RBM23: variants seen among roughly 807,000 people sequenced by gnomAD.
RBM23 encodes the protein probable RNA-binding protein 23.
Under a neutral mutation model 56.2 loss-of-function variants are expected in RBM23, and 53 were observed. The observed-to-expected ratio is 0.94, with a 90% CI of 0.76 to 1.19. The LOEUF is 1.19. RBM23 is among the 50% of genes most tolerant of loss of function. The pLI is 0.00. For missense variants in RBM23, 642 were observed against 590.3 expected, an observed-to-expected ratio of 1.09 and a Z score of -0.91; for synonymous variants, 197 against 198.5, an observed-to-expected ratio of 0.99 and a Z score of 0.06.
At position 22,901,006 on chromosome 14, in the gene RBM23, G is replaced by C. The variant is rs115183943; in HGVS notation, c.*724C>G. 2.0e-5 allele frequency: 3 copies of C among 152,188 alleles called. No individual in the cohort carries two copies. The highest frequency in any genetic ancestry group is 2.9e-5 in the Non-Finnish European group (2 of 68,056). 9.4% of individuals were successfully genotyped at this position (152,188 alleles called of 1,614,324 possible). A position where few individuals can be genotyped will look rare whatever the true frequency, so the allele number is the denominator to read the frequency against. On this transcript the variant is annotated 3_prime_UTR_variant, in exon 14 of 14. Coordinates refer to ENST00000359890, the MANE Select transcript of RBM23 (RefSeq NM_001077351.2). ...GAGGAAGGACAAGTATACAAAGGAAGATGGAAGATACTGGAAAGGCATACT... is the reference window on the plus strand; with the variant it reads ...GAGGAAGGACAAGTATACAAAGGAACATGGAAGATACTGGAAAGGCATACT...
intron 1 of RBM23, among the ~76,000 whole-genome samples, chr14:22,916,404 G>A (rs1566607342): frequency 6.6e-6 from 1 of 150,578 alleles, no homozygotes; most frequent in Non-Finnish European, 1.5e-5. Context: ...CCACAGGTGT[G>A]CACTATGATG....
intron 9 of RBM23, 125 bp from the exon 10 acceptor site, chr14:22,904,451 G>C: frequency 3.8e-6 from 3 of 792,680 alleles, no homozygotes; most frequent in Non-Finnish European, 6.1e-6. Flanking sequence ...ACTCCAGCCT[G>C]GGTGACAGAG....
chr14:22,905,201 T>C lies in RBM23; in HGVS notation c.619A>G (p.Lys207Glu), dbSNP rs1226498750. 1.2e-6 allele frequency: 2 copies of C among 1,614,028 alleles called. No homozygotes were observed. Among genetic ancestry groups the C allele is most frequent in the Non-Finnish European group, 1.7e-6 (2 of 1,180,026 alleles). ...IISDRNSRRSKGIAYVEFCEI... is the reference protein window; with the variant it reads ...IISDRNSRRSEGIAYVEFCEI... Reference sequence around the variant, plus strand: ...CAGAATTCCACGTAGGCAATGCCCTTAGAACGACGTGAGTTCCGATCTGAG... The same window carrying C: ...CAGAATTCCACGTAGGCAATGCCCTCAGAACGACGTGAGTTCCGATCTGAG... The change falls in exon 8 of 14, where the codon AAG (lysine) becomes GAG (glutamate). Residue 207 changes from lysine to glutamate, a missense_variant. Physicochemically the swap from Lys to Glu is moderately conservative, Grantham distance 56. Transcript: ENST00000359890.
At chr14:22,913,112 G>T (rs929172989) in intron 1 of RBM23, among the ~76,000 whole-genome samples, 5 of 146,284 alleles carry the variant, frequency 3.4e-5, no homozygotes, top group African/African-American at 1.0e-4. Context: ...GGGAGAAAAA[G>T]ATTTTAAAAG....
chr14:22,902,756 CTTTTTTTTTTTTTTTTT>C lies in RBM23; in HGVS notation c.931-391_931-375del, dbSNP rs59987550. 11 of 460,886 alleles carry C rather than the reference CTTTTTTTTTTTTTTTTT, an allele frequency of 2.4e-5. No individual in the cohort carries two copies. In the East Asian group the frequency reaches 2.7e-3, roughly 114 times the overall value. The allele number at this position is 460,886 out of a possible 1,614,324, so 28.5% of individuals were successfully genotyped here. ...GTTCTCTATCCTAGTAAGTTTTAGT[CTTTTTTTTTTTTTTTTT>C]TTTTTTTTTTTGAGACGGAGTCCCA... On this transcript the variant is annotated intron_variant, in intron 10 of 13. Transcript: ENST00000359890.
At position 22,906,195 on chromosome 14, in the gene RBM23, C is replaced by T; in HGVS notation, c.401G>A (p.Gly134Asp). 6.2e-7 allele frequency: 1 copy of T among 1,613,770 alleles called. No homozygotes were observed. The highest frequency in any genetic ancestry group is 8.5e-7 in the Non-Finnish European group (1 of 1,179,744). ...TGAATCTATTAGCAAAAAGTGATAC[C>T]CAGTGGCAAGTGGAGGACTCCTGTA... Reference protein sequence around the residue: ...VHYRSPPLATGYRYGHSKSPH... With the variant: ...VHYRSPPLATDYRYGHSKSPH... The change falls in exon 5 of 14, where the codon GGT (glycine) becomes GAT (aspartate). Residue 134 changes from glycine (G) to aspartate (D), a missense_variant and splice_region_variant. Gly to Asp is a moderately conservative substitution (Grantham distance 94, BLOSUM62 -1). Coordinates refer to ENST00000359890, the MANE Select transcript of RBM23 (RefSeq NM_001077351.2).
In RBM23 at chr14:22,901,567, G is replaced by C; in HGVS notation, c.*163C>G. On this transcript the variant is annotated 3_prime_UTR_variant, in exon 14 of 14. Transcript: ENST00000359890. ...CCATTTCCAGTGGGACCATGGGCAGGAGCTTTTCTTGGTATCTTAAGGGTG... is the reference window on the plus strand; with the variant it reads ...CCATTTCCAGTGGGACCATGGGCAGCAGCTTTTCTTGGTATCTTAAGGGTG... 9.8e-7 allele frequency: 1 copy of C among 1,023,966 alleles called. No homozygotes were observed. The allele number at this position is 1,023,966 out of a possible 1,614,324, so 63.4% of individuals were successfully genotyped here.
intron 2 of RBM23, 135 bp downstream of exon 2, chr14:22,911,193 C>T (rs866534304): frequency 4.1e-6 from 3 of 736,650 alleles, no homozygotes; most frequent in Non-Finnish European, 6.9e-6. Context: ...TAAGACTATG[C>T]CTTTTATGAT....
At position 22,901,799 on chromosome 14, in the gene RBM23, G is replaced by T. The variant is rs1431010271; in HGVS notation, c.1316+15C>A. On this transcript the variant is annotated intron_variant, in intron 13 of 13. Coordinates refer to ENST00000359890, the MANE Select transcript of RBM23 (RefSeq NM_001077351.2). ...AATAATCAAAGGCTAGAATGAGCTA[G>T]ACCCTGAGACTCACATGGTCTGGGG... is the stretch of plus-strand genomic sequence containing the variant. 4 of 1,614,086 alleles carry T rather than the reference G, an allele frequency of 2.5e-6. No individual in the cohort carries two copies. In the South Asian group the frequency reaches 3.3e-5, roughly 13 times the overall value.
intron 2 of RBM23, among the ~76,000 whole-genome samples, chr14:22,910,590 G>A (rs1205196193): frequency 1.3e-5 from 2 of 149,438 alleles, no homozygotes; most frequent in Non-Finnish European, 3.0e-5. Flanking sequence ...GCTGTTAAGT[G>A]GGCCAGGTGC....
chr14:22,912,998 C>CAAA lies in RBM23; in HGVS notation c.-10-1598_-10-1596dup, dbSNP rs58361546. Among the ~76,000 whole-genome samples the CAAA allele has an allele frequency of 2.6e-3, 92 of 35,416 alleles. 23 individuals carry two copies. Among genetic ancestry groups the CAAA allele is most frequent in the African/African-American group, 0.013 (84 of 6,270 alleles). The allele number at this position is 35,416 out of a possible 152,430, so 23.2% of individuals were successfully genotyped here. A position where few individuals can be genotyped will look rare whatever the true frequency, so the allele number is the denominator to read the frequency against. The stretch of plus-strand genomic sequence containing the variant: ...CTGGAGACAGAGTGAGATTCAGTCT[C>CAAA]AAAAAAAAAAAAAAAAAAAAAAAAA... On this transcript the variant is annotated intron_variant, in intron 1 of 13. Transcript: ENST00000359890.
intron 10 of RBM23, chr14:22,902,595 A>G: frequency 1.6e-6 from 2 of 1,287,756 alleles, no homozygotes; most frequent in Non-Finnish European, 2.0e-6. Flanking sequence ...GTCACTTTTC[A>G]ATCTTTCAGC....
At chr14:22,914,907 TG>T (rs2043214680) in intron 1 of RBM23, among the ~76,000 whole-genome samples, 1 of 139,656 alleles carries the variant, frequency 7.2e-6, no homozygotes, top group Admixed American at 7.7e-5. Flanking sequence ...CGCTTGAACC[TG>T]GGAGGCAGAG....
chr14:22,914,320 T>C, intron 1 of RBM23, among the ~76,000 whole-genome samples: 1 of 85,380 alleles, frequency 1.2e-5, no homozygotes, highest in African/African-American at 4.6e-5. Flanking sequence ...CAAGACTCTG[T>C]CTCAAAAAAA....
rs1595047643 is a variant in RBM23, at chr14:22,899,801, T to C, written c.*1929A>G. 6.6e-6 allele frequency: 1 copy of C among 152,230 alleles called. No individual in the cohort carries two copies. The highest frequency in any genetic ancestry group is 2.4e-5 in the African/African-American group (1 of 41,452). The allele number at this position is 152,230 out of a possible 1,614,324, so 9.4% of individuals were successfully genotyped here. The stretch of plus-strand genomic sequence containing the variant: ...CTTCAAGTATTTAAATGATTTTGTG[T>C]TAAAAGCAACCCCAGAGGCTAACAT... On this transcript the variant is annotated 3_prime_UTR_variant, in exon 14 of 14. Transcript: ENST00000359890.
intron 2 of RBM23, 68 bp from the exon 3 acceptor site, chr14:22,909,663 G>C: frequency 8.5e-7 from 1 of 1,175,228 alleles, no homozygotes; most frequent in Non-Finnish European, 1.3e-6. Context: ...AATGGGCAAA[G>C]GGAACAAAGG....
rs764108332 is a variant in RBM23, at chr14:22,901,821, G to A, written c.1309C>T (p.Gln437Ter). 7 of 1,613,976 alleles carry A rather than the reference G, an allele frequency of 4.3e-6. No individual in the cohort carries two copies. Among genetic ancestry groups the A allele is most frequent in the African/African-American group, 1.3e-5 (1 of 74,928 alleles). Reference protein sequence around the residue: ...CFQLSSLFTPQTM With the variant: ...CFQLSSLFTP Reference sequence around the variant, plus strand: ...CTAGACCCTGAGACTCACATGGTCTGGGGGGTAAAGAGGCTGGAGAGCTGG... The same window carrying A: ...CTAGACCCTGAGACTCACATGGTCTAGGGGGTAAAGAGGCTGGAGAGCTGG... Residue 437 changes from glutamine to a stop codon, truncating the protein, a stop_gained, in exon 13 of 14, where the codon CAG becomes TAG. Coordinates refer to ENST00000359890, the MANE Select transcript of RBM23 (RefSeq NM_001077351.2). LOFTEE classifies it high-confidence loss of function.
intron 9 of RBM23, 100 bp downstream of exon 9, chr14:22,904,775 C>T: frequency 3.3e-6 from 5 of 1,532,922 alleles, no homozygotes; most frequent in Non-Finnish European, 4.4e-6. Flanking sequence ...ACGTATGCAG[C>T]AGGTTAATCA....
intron 4 of RBM23, among the ~76,000 whole-genome samples, chr14:22,907,265 C>G (rs1391701182): frequency 6.6e-6 from 1 of 152,088 alleles, no homozygotes; most frequent in Non-Finnish European, 1.5e-5. Context: ...TCACTTGAAC[C>G]TGGGAGGCAG....
Sources: allele counts gnomAD v4.1 joint callset (sites outside exome capture counted in the v4.1 genomes callset), GRCh38; gene constraint gnomAD v4.1.1; transcripts MANE v1.5; gene names NCBI Gene and HGNC (gene_info 2026-07-23, HGNC 2026-07-21).